WDR47: variants seen among roughly 807,000 people sequenced by gnomAD.
WDR47 encodes WD repeat domain 47.
WDR47 carries 32 observed loss-of-function variants against 97.2 expected under a neutral mutation model. The observed-to-expected ratio is 0.33, with a 90% CI of 0.25 to 0.44. The LOEUF is 0.44. Ranked by LOEUF, WDR47 falls within the 20% of genes least tolerant of loss-of-function variation. The probability of loss-of-function intolerance (pLI) is 1.00; values close to 1 mark genes in which losing one functional copy is unlikely to be tolerated. For synonymous variants in WDR47, 375 were observed against 373.5 expected (o/e 1.00, Z -0.05); for missense variants, 782 against 1,102.3 (o/e 0.71, Z 4.11).
At chr1:109,039,628 T>G (rs1663207971) in intron 1 of WDR47, among the ~76,000 whole-genome samples, 3 of 152,216 alleles carry the variant, frequency 2.0e-5, no homozygotes, top group African/African-American at 7.2e-5. Context: ...AAAAATTAGT[T>G]GAAATATGCA....
chr1:108,981,846 T>C lies in WDR47; in HGVS notation c.2285A>G (p.Tyr762Cys). Residue 762 changes from tyrosine (Y) to cysteine (C), a missense_variant, in exon 13 of 15, where the codon TAT becomes TGT. Tyr to Cys is a radical substitution (Grantham distance 194, BLOSUM62 -2). This residue lies in a region of WDR47 where 228 missense variants were observed against 396.7 expected (regional missense o/e 0.57). Coordinates refer to ENST00000369962, the MANE Select transcript of WDR47 (RefSeq NM_001142551.2). Reference sequence around the variant, plus strand: ...TGCAATCATCCAGCCACTCCAGGTATAAAGTGCTAAAATATGCCCTATAAA... The same window carrying C: ...TGCAATCATCCAGCCACTCCAGGTACAAAGTGCTAAAATATGCCCTATAAA... ...SGHTGHILAL[Y>C]TWSGWMIASG... 1.2e-6 allele frequency: 2 copies of C among 1,613,282 alleles called. No homozygotes were observed. The highest frequency in any genetic ancestry group is 1.7e-6 in the Non-Finnish European group (2 of 1,179,624).
chr1:108,986,497 TG>T, intron 10 of WDR47, 25 bp downstream of exon 10: 1 of 1,576,830 alleles, frequency 6.3e-7, no homozygotes, highest in African/African-American at 1.4e-5. Flanking sequence ...AAGGTAAGAA[TG>T]GCAGCACAAA....
chr1:109,027,504 TC>T (rs1312066780), intron 1 of WDR47, among the ~76,000 whole-genome samples: 3 of 152,216 alleles, frequency 2.0e-5, no homozygotes, highest in Non-Finnish European at 4.4e-5. Context: ...AAATCTTACC[TC>T]TGTAAGTGAT....
chr1:108,972,252 T>G (rs1291818642), intron 14 of WDR47, among the ~76,000 whole-genome samples: 1 of 151,894 alleles, frequency 6.6e-6, no homozygotes, highest in Non-Finnish European at 1.5e-5. Context: ...CCAAACAAAA[T>G]ATATCTCAAA....
Position 108,971,255 on chromosome 1 carries a change from A to G in WDR47, c.*175T>C. The G allele has an allele frequency of 1.2e-6, 1 of 817,130 alleles. No individual in the cohort carries two copies. The highest frequency in any genetic ancestry group is 1.8e-6 in the Non-Finnish European group (1 of 540,896). The allele number at this position is 817,130 out of a possible 1,614,324, so 50.6% of individuals were successfully genotyped here. ...GCACGAGCTCACATGGAAGACTGAA[A>G]GCACTGCGGAATAACACCACCCAAC... On this transcript the variant is annotated 3_prime_UTR_variant, in exon 15 of 15. Coordinates refer to ENST00000369962, the MANE Select transcript of WDR47 (RefSeq NM_001142551.2).
At chr1:108,983,976 C>G (rs1328510950) in intron 10 of WDR47, among the ~76,000 whole-genome samples, 1 of 152,126 alleles carries the variant, frequency 6.6e-6, no homozygotes, top group Non-Finnish European at 1.5e-5. Context: ...GTATAAAGCA[C>G]TGGGCCTTAA....
chr1:109,026,628 T>C (rs1258549744), intron 1 of WDR47, among the ~76,000 whole-genome samples: 2 of 152,200 alleles, frequency 1.3e-5, no homozygotes. Context: ...TGTAGGTTCT[T>C]AGAGGGCACA....
chr1:109,005,668 A>T (rs1660543060), intron 5 of WDR47, among the ~76,000 whole-genome samples: 1 of 151,962 alleles, frequency 6.6e-6, no homozygotes, highest in African/African-American at 2.4e-5. Flanking sequence ...AGGTCAGGAG[A>T]TCGAGACCAT....
chr1:109,034,285 T>C (rs775014308), intron 1 of WDR47, among the ~76,000 whole-genome samples: 8 of 152,196 alleles, frequency 5.3e-5, no homozygotes, highest in Non-Finnish European at 1.0e-4. Flanking sequence ...TGAAACTCCA[T>C]CTCAAATAAA....
intron 1 of WDR47, among the ~76,000 whole-genome samples, chr1:109,038,114 C>T (rs555186741): frequency 5.0e-4 from 76 of 152,248 alleles, no homozygotes; most frequent in African/African-American, 1.8e-3. Flanking sequence ...GCTCGCATTA[C>T]AGGTATGAGC....
chr1:108,983,017 T>A (rs1442787282), intron 11 of WDR47, among the ~76,000 whole-genome samples: 2 of 152,188 alleles, frequency 1.3e-5, no homozygotes, highest in Non-Finnish European at 2.9e-5. Context: ...AGACAAGTGA[T>A]CTCTAGAAAA....
intron 5 of WDR47, among the ~76,000 whole-genome samples, chr1:109,009,886 T>C (rs1415247709): frequency 6.6e-6 from 1 of 151,922 alleles, no homozygotes; most frequent in Non-Finnish European, 1.5e-5. Context: ...CAATCCCAGC[T>C]ACTCAGGAGG....
rs374052473 is a variant in WDR47 at position 108,987,179 on chromosome 1, T to C, written c.1768-499A>G. On this transcript the variant is annotated intron_variant, in intron 9 of 14. Transcript: ENST00000369962. ...ATAGTTTCTAATGGTGTTTCTTCTA[T>C]CTTCCATTGTTTATAATCTGGAAAT... 28 of 178,324 alleles carry C rather than the reference T, an allele frequency of 1.6e-4. No homozygotes were observed. In the East Asian group the frequency reaches 4.0e-3, roughly 25 times the overall value. The allele number at this position is 178,324 out of a possible 1,614,324, so 11.0% of individuals were successfully genotyped here. A position where few individuals can be genotyped will look rare whatever the true frequency, so the allele number is the denominator to read the frequency against.
chr1:109,017,642 C>A, intron 2 of WDR47, 41 bp from the exon 3 acceptor site: 1 of 1,511,292 alleles, frequency 6.6e-7, no homozygotes, highest in South Asian at 1.2e-5. Context: ...TCACCAAATT[C>A]AGGTTATACT....
chr1:108,986,296 A>G (rs893892335), intron 10 of WDR47, among the ~76,000 whole-genome samples: 1 of 152,212 alleles, frequency 6.6e-6, no homozygotes, highest in Non-Finnish European at 1.5e-5. Flanking sequence ...TAAATGAGCA[A>G]TGTTGTAATC....
At position 108,986,621 on chromosome 1, in the gene WDR47, A is replaced by G; in HGVS notation, c.1827T>C (p.Val609=). ...CINILEDTQA[V]RAVAFHPAGG... is the part of the protein sequence containing the mutation. ...CAGCTGGATGAAAAGCCACTGCTCT[A>G]ACAGCTTGTGTGTCTTCTAGGATAT... Residue 609 remains valine (V), a synonymous_variant, in exon 10 of 15, where the codon GTT becomes GTC. Coordinates refer to ENST00000369962, the MANE Select transcript of WDR47 (RefSeq NM_001142551.2). The G allele has an allele frequency of 6.2e-7, 1 of 1,613,678 alleles. No homozygotes were observed. The highest frequency in any genetic ancestry group is 1.3e-5 in the African/African-American group (1 of 75,038).
At chr1:108,976,587 T>C (rs1557912270) in intron 13 of WDR47, among the ~76,000 whole-genome samples, 2 of 152,164 alleles carry the variant, frequency 1.3e-5, no homozygotes, top group Non-Finnish European at 2.9e-5. Flanking sequence ...TTGATGAAAC[T>C]TAAAATCTAT....
rs1403341433 is a variant in WDR47 at position 109,004,706 on chromosome 1, A to G, written c.1140T>C (p.Pro380=). Residue 380 remains proline, a synonymous_variant, in exon 6 of 15, where the codon CCT becomes CCC. Transcript: ENST00000369962. Reference sequence around the variant, plus strand: ...TGCCGATAGGCCTCTGTGCATCAACAGGTGTATCACTTCTTCCAGAAACGT... The same window carrying G: ...TGCCGATAGGCCTCTGTGCATCAACGGGTGTATCACTTCTTCCAGAAACGT... ...IYEESPERDT[P]VDAQRPIGSE... The G allele has an allele frequency of 1.2e-6, 2 of 1,603,886 alleles. No homozygotes were observed. Among genetic ancestry groups the G allele is most frequent in the South Asian group, 1.1e-5 (1 of 88,744 alleles).
At chr1:109,018,850 A>T (rs1044914770) in intron 2 of WDR47, among the ~76,000 whole-genome samples, 3 of 151,900 alleles carry the variant, frequency 2.0e-5, no homozygotes, top group Non-Finnish European at 4.4e-5. Context: ...ACAGGTGATC[A>T]TTTGAGCCCA....
Sources: allele counts gnomAD v4.1 joint callset (sites outside exome capture counted in the v4.1 genomes callset), GRCh38; gene constraint gnomAD v4.1.1; regional missense constraint gnomAD v4.1.1; transcripts MANE v1.5; gene names NCBI Gene and HGNC (gene_info 2026-07-23, HGNC 2026-07-21).